The following SRRM3 variants were observed in gnomAD, a reference collection of about 807,000 sequenced individuals.
The protein encoded by SRRM3 is serine/arginine repetitive matrix 3.
Under a neutral mutation model 66.2 loss-of-function variants are expected in SRRM3, and 27 were observed. The observed-to-expected ratio is 0.41, with a 90% CI of 0.30 to 0.56. SRRM3 has a LOEUF of 0.56. SRRM3 is among the 20% of genes least tolerant of loss of function. SRRM3 has a pLI of 0.32. For synonymous variants in SRRM3, 391 were observed against 414.9 expected, an observed-to-expected ratio of 0.94 and a Z score of 0.70; for missense variants, 918 against 991.9, an observed-to-expected ratio of 0.93 and a Z score of 1.00.
intron 2 of SRRM3, among the ~76,000 whole-genome samples, chr7:76,237,269 T>C (rs1801175276): frequency 6.6e-6 from 1 of 152,174 alleles, no homozygotes; most frequent in Non-Finnish European, 1.5e-5. Flanking sequence ...TAGCCGGGCA[T>C]GGTGGCATGC....
chr7:76,286,760 A>G lies in SRRM3; in HGVS notation c.*917A>G, dbSNP rs1212336384. 6.6e-6 allele frequency: 1 copy of G among 152,348 alleles called. No homozygotes were observed. Among genetic ancestry groups the G allele is most frequent in the African/African-American group, 2.4e-5 (1 of 41,442 alleles). The allele number at this position is 152,348 out of a possible 1,614,324, so 9.4% of individuals were successfully genotyped here. A position where few individuals can be genotyped will look rare whatever the true frequency, so the allele number is the denominator to read the frequency against. The stretch of plus-strand genomic sequence containing the variant: ...GGAAAGAGAAAAAGCAAAGTCGTTC[A>G]CTGACTGAGTAGCCCCCAGGGAGTG... On this transcript the variant is annotated 3_prime_UTR_variant, in exon 15 of 15. Transcript: ENST00000611745.
chr7:76,214,543 C>T (rs1481987341), intron 1 of SRRM3, among the ~76,000 whole-genome samples: 1 of 152,112 alleles, frequency 6.6e-6, no homozygotes, highest in African/African-American at 2.4e-5. Context: ...CGGGGAGGAG[C>T]TGTCACCATG....
At chr7:76,233,836 C>T (rs1489635802) in intron 1 of SRRM3, among the ~76,000 whole-genome samples, 1 of 152,146 alleles carries the variant, frequency 6.6e-6, no homozygotes, top group East Asian at 1.9e-4. Context: ...GTTTTCATCA[C>T]CGCTGTTGCC....
chr7:76,285,739 T>A lies in SRRM3; in HGVS notation c.1858T>A (p.Tyr620Asn). The part of the protein sequence containing the change: ...SPSPGHSHGS[Y>N]SSRSHGTRSR... ...CAGCCCCGGCCACAGCCACGGGAGC[T>A]ACAGCAGTCGCAGCCATGGGACCCG... Residue 620 changes from tyrosine to asparagine, a missense_variant, in exon 15 of 15, where the codon TAC becomes AAC. By Grantham distance (143) the Tyr-to-Asn change is moderately radical. Coordinates refer to ENST00000611745, the MANE Select transcript of SRRM3 (RefSeq NM_001110199.3). This position sits in a 1 kb window ranked among gnomAD's most constrained non-coding sequence, Gnocchi z 4.1. The A allele has an allele frequency of 6.4e-7, 1 of 1,550,684 alleles. No individual in the cohort carries two copies. Among genetic ancestry groups the A allele is most frequent in the Non-Finnish European group, 8.7e-7 (1 of 1,146,820 alleles).
intron 2 of SRRM3, among the ~76,000 whole-genome samples, chr7:76,237,485 G>C (rs1801180435): frequency 6.6e-6 from 1 of 152,202 alleles, no homozygotes. Context: ...TGAAGCAGGA[G>C]AATCGCTTGA....
chr7:76,205,952 T>C (rs1800291216), intron 1 of SRRM3, among the ~76,000 whole-genome samples: 1 of 152,192 alleles, frequency 6.6e-6, no homozygotes, highest in Non-Finnish European at 1.5e-5. Flanking sequence ...CAGAGATATG[T>C]TTAAATCTTG....
At chr7:76,243,911 C>A (rs76352754) in intron 2 of SRRM3, among the ~76,000 whole-genome samples, 1 of 152,324 alleles carries the variant, frequency 6.6e-6, no homozygotes, top group Non-Finnish European at 1.5e-5. Context: ...GGGGGTGGGG[C>A]ACCACCCTTT....
intron 2 of SRRM3, among the ~76,000 whole-genome samples, chr7:76,237,193 G>T (rs1045263518): frequency 2.0e-5 from 3 of 152,172 alleles, no homozygotes; most frequent in African/African-American, 7.2e-5. Context: ...AGATCGTGAG[G>T]TCAGGAGATC....
intron 1 of SRRM3, among the ~76,000 whole-genome samples, chr7:76,219,908 T>G: frequency 6.6e-6 from 1 of 151,210 alleles, no homozygotes; most frequent in African/African-American, 2.5e-5. Context: ...AGATACTGTC[T>G]CAAAAACAAA....
At chr7:76,265,685 C>G (rs1801991588) in intron 10 of SRRM3, among the ~76,000 whole-genome samples, 1 of 148,954 alleles carries the variant, frequency 6.7e-6, no homozygotes, top group East Asian at 2.0e-4. Flanking sequence ...GAGTTCGAGA[C>G]CAGCCTGGGC....
At chr7:76,225,416 G>A (rs1480754763) in intron 1 of SRRM3, among the ~76,000 whole-genome samples, 1 of 152,064 alleles carries the variant, frequency 6.6e-6, no homozygotes, top group Non-Finnish European at 1.5e-5. Flanking sequence ...GCATGCCTCT[G>A]GCTGGCAAGG....
intron 2 of SRRM3, among the ~76,000 whole-genome samples, chr7:76,236,854 T>A (rs11977688): frequency 0.033 from 5,054 of 151,956 alleles, 175 homozygotes; most frequent in African/African-American, 0.094. Context: ...AACATGTTGA[T>A]GAGCTGTGGG....
chr7:76,202,584 A>C lies in SRRM3; in HGVS notation c.-40+517A>C, dbSNP rs372628213. On this transcript the variant is annotated intron_variant, in intron 1 of 14. Coordinates refer to ENST00000611745, the MANE Select transcript of SRRM3 (RefSeq NM_001110199.3). ...GAGCTGGCAAGGAGAACTGGGTCTC[A>C]CAGGATGGCATTTACTCTTGCACTG... Among the ~76,000 whole-genome samples the C allele has an allele frequency of 6.8e-4, 103 of 152,270 alleles. No homozygotes were observed. In the Middle Eastern group the frequency reaches 0.01, roughly 15 times the overall value.
intron 2 of SRRM3, among the ~76,000 whole-genome samples, chr7:76,244,094 G>A (rs549814466): frequency 1.3e-3 from 204 of 152,278 alleles, no homozygotes; most frequent in African/African-American, 4.6e-3. Context: ...CCTGAGCCAC[G>A]AGGGGATGGG....
In SRRM3 at chr7:76,260,165, G is replaced by A. The variant is rs1554608394; in HGVS notation, c.513G>A (p.Lys171=). Residue 171 remains lysine, a synonymous_variant, in exon 5 of 15, where the codon AAG becomes AAA. Coordinates refer to ENST00000611745, the MANE Select transcript of SRRM3 (RefSeq NM_001110199.3). ...SSSASPPPKK[K]KKKKGGHRRS... ...CGGCATCGCCCCCTCCCAAGAAAAA[G>A]AAGAAAAAGAAAGGCGGCCACCGGA... 1 of 1,536,738 alleles carries A rather than the reference G, an allele frequency of 6.5e-7. No individual in the cohort carries two copies. Among genetic ancestry groups the A allele is most frequent in the Admixed American group, 2.0e-5 (1 of 48,956 alleles).
chr7:76,219,695 G>T (rs148993190), intron 1 of SRRM3, among the ~76,000 whole-genome samples: 6 of 152,308 alleles, frequency 3.9e-5, no homozygotes, highest in East Asian at 1.9e-4. Flanking sequence ...GATCACTTGA[G>T]GTCAGGAGTT....
chr7:76,282,270 G>A (rs1802538845), intron 12 of SRRM3, among the ~76,000 whole-genome samples: 1 of 91,594 alleles, frequency 1.1e-5, no homozygotes, highest in Non-Finnish European at 2.2e-5. Context: ...AACCCCCCAG[G>A]GAGCTCCCTC....
At position 76,282,771 on chromosome 7, in the gene SRRM3, C is replaced by T. The variant is rs1355682954; in HGVS notation, c.1494C>T (p.Ser498=). The T allele has an allele frequency of 6.8e-7, 1 of 1,465,898 alleles. No individual in the cohort carries two copies. Among genetic ancestry groups the T allele is most frequent in the Non-Finnish European group, 9.0e-7 (1 of 1,114,746 alleles). 90.8% of individuals were successfully genotyped at this position (1,465,898 alleles called of 1,614,324 possible). A position where few individuals can be genotyped will look rare whatever the true frequency, so the allele number is the denominator to read the frequency against. The stretch of plus-strand genomic sequence containing the variant: ...GCAGCCCCGGCCCGCACCCCCGCTC[C>T]TGGAGCTCCAGCCGCTCGCCCTCCA... ...SSRSPGPHPR[S]WSSSRSPSKS... The change falls in exon 13 of 15, where the codon TCC becomes TCT. Residue 498 remains serine (S), a synonymous_variant. Coordinates refer to ENST00000611745, the MANE Select transcript of SRRM3 (RefSeq NM_001110199.3).
At chr7:76,227,795 C>T (rs2116978942) in intron 1 of SRRM3, among the ~76,000 whole-genome samples, 1 of 152,292 alleles carries the variant, frequency 6.6e-6, no homozygotes, top group Non-Finnish European at 1.5e-5. Flanking sequence ...AATATCGTTT[C>T]TATCTCATGT....
Sources: allele counts gnomAD v4.1 joint callset (sites outside exome capture counted in the v4.1 genomes callset), GRCh38; gene constraint gnomAD v4.1.1; non-coding constraint Gnocchi (gnomAD v3.1); transcripts MANE v1.5; gene names NCBI Gene and HGNC (gene_info 2026-07-23, HGNC 2026-07-21).